The following COLEC12 variants were observed in gnomAD, a reference collection of about 807,000 sequenced individuals.
The protein encoded by COLEC12 is collectin-12.
Under a neutral mutation model 71.1 loss-of-function variants are expected in COLEC12, and 33 were observed. That is an observed-to-expected ratio of 0.46 (90% CI 0.35 to 0.62). The LOEUF (loss-of-function observed/expected upper bound fraction) is 0.62. COLEC12 is among the 20% of genes least tolerant of loss of function. COLEC12 has a pLI of 0.00. For missense variants in COLEC12, 765 were observed against 916.1 expected (o/e 0.84, Z 2.13); for synonymous variants, 350 against 353.0 (o/e 0.99, Z 0.10).
At chr18:368,992 T>C (rs1914934197) in intron 2 of COLEC12, among the ~76,000 whole-genome samples, 1 of 152,242 alleles carries the variant, frequency 6.6e-6, no homozygotes, top group Non-Finnish European at 1.5e-5. Flanking sequence ...ATTGTTGTTA[T>C]CTCTTCACAA....
chr18:500,691 C>G lies in COLEC12; in HGVS notation c.-177G>C, dbSNP rs564448666. On this transcript the variant is annotated 5_prime_UTR_variant, in exon 1 of 10. Transcript: ENST00000400256. This position sits in a 1 kb window ranked among gnomAD's most constrained non-coding sequence, Gnocchi z 5.3. ...CCCGCGCTCCCCGCGCTCCCGGCTC[C>G]GCGCTCTGCTGCCTCGGGGCTGCCG... 190 of 250,862 alleles carry G rather than the reference C, an allele frequency of 7.6e-4. No individual in the cohort carries two copies. The highest frequency in any genetic ancestry group is 4.3e-3 in the African/African-American group (172 of 40,326). 15.5% of individuals were successfully genotyped at this position (250,862 alleles called of 1,614,324 possible).
rs769027495 is a variant in COLEC12 at position 346,905 on chromosome 18, G to C, written c.717C>G (p.Asn239Lys). The change falls in exon 5 of 10, where the codon AAC becomes AAG. Residue 239 changes from asparagine to lysine, a missense_variant. Transcript: ENST00000400256. The surrounding 1 kb of genome is among the most constrained non-coding windows in gnomAD (Gnocchi z 4.0). ...AAACCTGCTGCAGATTTTGAAAGTCGTTCTTGATTCGCTGGATAGCCTGGC... is the reference window on the plus strand; with the variant it reads ...AAACCTGCTGCAGATTTTGAAAGTCCTTCTTGATTCGCTGGATAGCCTGGC... Reference protein sequence around the residue: ...DTSQAIQRIKNDFQNLQQVFL... With the variant: ...DTSQAIQRIKKDFQNLQQVFL... The C allele has an allele frequency of 1.9e-6, 3 of 1,614,056 alleles. No individual in the cohort carries two copies. The highest frequency in any genetic ancestry group is 1.1e-5 in the South Asian group (1 of 91,080).
intron 2 of COLEC12, among the ~76,000 whole-genome samples, chr18:426,712 C>A (rs1413376833): frequency 3.3e-5 from 5 of 152,076 alleles, no homozygotes; most frequent in Non-Finnish European, 7.4e-5. Flanking sequence ...TCTTTAATAA[C>A]ACCTAACATT....
chr18:494,174 T>A (rs1234318181), intron 1 of COLEC12, among the ~76,000 whole-genome samples: 2 of 152,204 alleles, frequency 1.3e-5, no homozygotes, highest in African/African-American at 2.4e-5. Flanking sequence ...ATACTAATAC[T>A]TCCCCACGTG....
intron 2 of COLEC12, among the ~76,000 whole-genome samples, chr18:389,900 C>T (rs1241831157): frequency 6.6e-6 from 1 of 152,180 alleles, no homozygotes; most frequent in East Asian, 1.9e-4. Context: ...ACCACACTCA[C>T]AGATCTGGCC....
intron 1 of COLEC12, among the ~76,000 whole-genome samples, chr18:492,223 A>C (rs116798342): frequency 0.022 from 3,379 of 152,312 alleles, 124 homozygotes; most frequent in African/African-American, 0.078. Context: ...CAAAAGTCAA[A>C]ATTATAGACA....
intron 2 of COLEC12, among the ~76,000 whole-genome samples, chr18:462,556 T>C (rs1394679568): frequency 2.0e-5 from 3 of 152,174 alleles, no homozygotes; most frequent in East Asian, 3.8e-4. Context: ...TGCTAATGGA[T>C]ACAAGGGTTC....
At chr18:325,222 A>C (rs906302075) in intron 8 of COLEC12, among the ~76,000 whole-genome samples, 1 of 152,104 alleles carries the variant, frequency 6.6e-6, no homozygotes, top group Non-Finnish European at 1.5e-5. Flanking sequence ...AAAAAACTGA[A>C]AACACAATGT....
chr18:459,121 G>A (rs180786965), intron 2 of COLEC12, among the ~76,000 whole-genome samples: 4 of 152,282 alleles, frequency 2.6e-5, no homozygotes, highest in African/African-American at 9.6e-5. Flanking sequence ...TTTAGCAGCC[G>A]GGATTACATG....
chr18:406,515 CAAAAAAAAAAAAAA>C (rs34263909), intron 2 of COLEC12, among the ~76,000 whole-genome samples: 2 of 90,450 alleles, frequency 2.2e-5, no homozygotes, highest in Non-Finnish European at 4.0e-5. Context: ...GACTCCGTCT[CAAAAAAAAAAAAAA>C]AAAAAAAAAA....
At chr18:356,080 G>T (rs900261587) in intron 3 of COLEC12, among the ~76,000 whole-genome samples, 1 of 152,138 alleles carries the variant, frequency 6.6e-6, no homozygotes. Context: ...TAAAAGTCCC[G>T]ACTGTACTGA....
At chr18:468,215 T>C (rs2143747985) in intron 2 of COLEC12, among the ~76,000 whole-genome samples, 1 of 146,472 alleles carries the variant, frequency 6.8e-6, no homozygotes, top group East Asian at 2.0e-4. Context: ...TGAGCCGAGA[T>C]CGCACCATTG....
chr18:400,432 G>GAAAT (rs1284796758), intron 2 of COLEC12, among the ~76,000 whole-genome samples: 1 of 152,172 alleles, frequency 6.6e-6, no homozygotes, highest in Non-Finnish European at 1.5e-5. Flanking sequence ...TGTATGACTT[G>GAAAT]ACTGTGTTTC....
chr18:487,275 T>G (rs964246151), intron 1 of COLEC12, among the ~76,000 whole-genome samples: 2 of 152,200 alleles, frequency 1.3e-5, no homozygotes, highest in African/African-American at 4.8e-5. Context: ...ATTAGCAAAG[T>G]CTAGATTCAG....
intron 2 of COLEC12, among the ~76,000 whole-genome samples, chr18:387,762 T>C (rs552895672): frequency 6.6e-6 from 1 of 152,242 alleles, no homozygotes; most frequent in Non-Finnish European, 1.5e-5. Flanking sequence ...ATCATTTTGA[T>C]GAGTGTAATC....
At chr18:475,323 G>A (rs373248603) in intron 2 of COLEC12, among the ~76,000 whole-genome samples, 31 of 152,084 alleles carry the variant, frequency 2.0e-4, no homozygotes, top group Admixed American at 9.8e-4. Context: ...TTACTCAGTC[G>A]TTCCCCACAG....
intron 8 of COLEC12, among the ~76,000 whole-genome samples, chr18:323,938 T>TA (rs1410356258): frequency 1.3e-5 from 2 of 152,164 alleles, no homozygotes; most frequent in Non-Finnish European, 2.9e-5. Context: ...AGAAAGGAGA[T>TA]AATCTTTATC....
intron 2 of COLEC12, among the ~76,000 whole-genome samples, chr18:459,340 G>A (rs953816446): frequency 3.9e-5 from 6 of 152,180 alleles, no homozygotes; most frequent in Admixed American, 6.5e-5. Context: ...CCATAAGTCT[G>A]GAAGGTCATT....
At chr18:322,842 G>A (rs977179754) in intron 8 of COLEC12, among the ~76,000 whole-genome samples, 3 of 152,152 alleles carry the variant, frequency 2.0e-5, no homozygotes, top group African/African-American at 4.8e-5. Context: ...CAGAGGCAGC[G>A]GGAAAGGACA....
Sources: allele counts gnomAD v4.1 joint callset (sites outside exome capture counted in the v4.1 genomes callset), GRCh38; gene constraint gnomAD v4.1.1; non-coding constraint Gnocchi (gnomAD v3.1); transcripts MANE v1.5; gene names NCBI Gene and HGNC (gene_info 2026-07-23, HGNC 2026-07-21).